ASTN2: variants seen among roughly 807,000 people sequenced by gnomAD.
ASTN2 encodes the protein astrotactin-2.
A neutral mutation model predicts 139.8 loss-of-function variants in ASTN2; 54 were observed. That is an observed-to-expected ratio of 0.39 (90% confidence interval 0.31 to 0.48). The LOEUF is 0.48. ASTN2 is among the 20% of genes least tolerant of loss of function. The pLI, the probability that ASTN2 is intolerant of heterozygous loss-of-function variation, is 0.95. For synonymous variants in ASTN2, 756 were observed against 719.5 expected (o/e 1.05, Z -0.81); for missense variants, 1,565 against 1,725.1 (o/e 0.91, Z 1.64).
At chr9:116,614,059 A>G (rs1855700610) in intron 19 of ASTN2, among the ~76,000 whole-genome samples, 3 of 152,322 alleles carry the variant, frequency 2.0e-5, no homozygotes, top group South Asian at 2.1e-4. Context: ...TGCAAAAATC[A>G]CAAGCATTCC....
intron 1 of ASTN2, among the ~76,000 whole-genome samples, chr9:117,338,787 A>C (rs78174422): frequency 1.3e-5 from 2 of 152,012 alleles, no homozygotes; most frequent in African/African-American, 4.8e-5. Flanking sequence ...TAGCAAAAAA[A>C]TGCAATAACT....
At chr9:116,614,206 C>A (rs1036870436) in intron 19 of ASTN2, among the ~76,000 whole-genome samples, 5 of 152,118 alleles carry the variant, frequency 3.3e-5, no homozygotes, top group Admixed American at 1.3e-4. Flanking sequence ...CAAACCACTG[C>A]TCAACAAAAT....
chr9:116,719,980 C>T (rs1350342708), intron 16 of ASTN2, among the ~76,000 whole-genome samples: 1 of 152,174 alleles, frequency 6.6e-6, no homozygotes, highest in East Asian at 1.9e-4. Flanking sequence ...ACCCTAAGAA[C>T]AACTCCGTTC....
chr9:117,297,416 C>T (rs753400727), intron 1 of ASTN2, among the ~76,000 whole-genome samples: 3 of 152,208 alleles, frequency 2.0e-5, no homozygotes, highest in Non-Finnish European at 2.9e-5. Context: ...ATCGCAAATA[C>T]TCATGCCCTT....
chr9:117,144,063 G>C (rs1830135232), intron 3 of ASTN2, among the ~76,000 whole-genome samples: 2 of 152,092 alleles, frequency 1.3e-5, no homozygotes, highest in Non-Finnish European at 2.9e-5. Flanking sequence ...CATAAGAGTG[G>C]GATCCCAATC....
At chr9:117,028,989 G>A (rs900477290) in intron 6 of ASTN2, among the ~76,000 whole-genome samples, 1 of 152,176 alleles carries the variant, frequency 6.6e-6, no homozygotes, top group African/African-American at 2.4e-5. Flanking sequence ...CAAAGATGGA[G>A]TGAATTCATA....
At chr9:116,551,173 A>C (rs935319774) in intron 19 of ASTN2, 4 of 152,206 alleles carry the variant, frequency 2.6e-5, no homozygotes, top group Admixed American at 6.5e-5. Flanking sequence ...ATTCTGGTTC[A>C]GTCATTTTGG....
chr9:117,154,855 TA>T (rs1830398482), intron 3 of ASTN2, among the ~76,000 whole-genome samples: 1 of 152,074 alleles, frequency 6.6e-6, no homozygotes, highest in Non-Finnish European at 1.5e-5. Context: ...AATAAGGATT[TA>T]AATAAGAAAA....
At chr9:116,828,299 T>G (rs1278007827) in intron 11 of ASTN2, among the ~76,000 whole-genome samples, 1 of 31,268 alleles carries the variant, frequency 3.2e-5, no homozygotes, top group African/African-American at 1.5e-4. Context: ...AGACTCCGTC[T>G]CAAAAAAAAA....
At chr9:116,846,280 A>G (rs76660930) in intron 11 of ASTN2, among the ~76,000 whole-genome samples, 1 of 152,168 alleles carries the variant, frequency 6.6e-6, no homozygotes, top group Admixed American at 6.5e-5. Context: ...GGTGTACAAC[A>G]ATGTGAATTT....
At chr9:116,666,499 C>A (rs901671337) in intron 16 of ASTN2, among the ~76,000 whole-genome samples, 2 of 152,044 alleles carry the variant, frequency 1.3e-5, no homozygotes, top group African/African-American at 4.8e-5. Context: ...TCTAAAAATA[C>A]TTGTGGTTGA....
intron 16 of ASTN2, among the ~76,000 whole-genome samples, chr9:116,716,902 G>C (rs554636891): frequency 1.3e-5 from 2 of 152,180 alleles, no homozygotes; most frequent in Non-Finnish European, 2.9e-5. Flanking sequence ...CTGTGGATAA[G>C]AGAAACAACA....
chr9:116,451,473 T>G (rs1162526058), intron 20 of ASTN2, among the ~76,000 whole-genome samples: 1 of 151,924 alleles, frequency 6.6e-6, no homozygotes, highest in Admixed American at 6.6e-5. Context: ...GAGTGGGGTT[T>G]TTGCTGTCAT....
chr9:116,666,946 ATTCTT>A (rs1858899362), intron 16 of ASTN2, among the ~76,000 whole-genome samples: 1 of 118,610 alleles, frequency 8.4e-6, no homozygotes, highest in Non-Finnish European at 1.7e-5. Context: ...TTATTTATTT[ATTCTT>A]TTTTTTTTTT....
chr9:117,257,114 C>T (rs1033953598), intron 2 of ASTN2, among the ~76,000 whole-genome samples: 9 of 152,310 alleles, frequency 5.9e-5, no homozygotes, highest in African/African-American at 1.7e-4. Context: ...AAGCATCAAA[C>T]GTTTCAGAAA....
intron 2 of ASTN2, among the ~76,000 whole-genome samples, chr9:117,281,870 G>C (rs1834333676): frequency 6.6e-6 from 1 of 152,056 alleles, no homozygotes; most frequent in Admixed American, 6.6e-5. Context: ...CATCTCTGCT[G>C]GATGCTGTCT....
intron 1 of ASTN2, 42 bp from the exon 2 acceptor site, chr9:117,291,555 G>A: frequency 6.5e-7 from 1 of 1,532,554 alleles, no homozygotes; most frequent in Non-Finnish European, 8.8e-7. Context: ...CCGTACGCCT[G>A]GCCTTGGTGC....
At position 116,863,664 on chromosome 9, in the gene ASTN2, A is replaced by T. The variant is rs1832950975; in HGVS notation, c.1959T>A (p.Arg653=). ...NDLLSSFGPV[R]DCSRNNGGCT... ...AGCCCCCATTGTTCCGAGAGCAGTCACGAACTGGCCCGAAGGAAGACAGCA... is the reference window on the plus strand; with the variant it reads ...AGCCCCCATTGTTCCGAGAGCAGTCTCGAACTGGCCCGAAGGAAGACAGCA... The change falls in exon 11 of 23, where the codon CGT becomes CGA. Residue 653 remains arginine (R), a synonymous_variant. Coordinates refer to ENST00000313400, the MANE Select transcript of ASTN2 (RefSeq NM_001365068.1). The T allele has an allele frequency of 1.2e-6, 2 of 1,614,232 alleles. No individual in the cohort carries two copies. Among genetic ancestry groups the T allele is most frequent in the Non-Finnish European group, 1.7e-6 (2 of 1,180,038 alleles).
chr9:116,500,650 G>T (rs931185373), intron 19 of ASTN2, among the ~76,000 whole-genome samples: 6 of 152,190 alleles, frequency 3.9e-5, no homozygotes, highest in Non-Finnish European at 5.9e-5. Context: ...TTGAATTCTG[G>T]CTTTGCTAAA....
Sources: gnomAD v4.1 joint callset for allele counts (sites outside exome capture counted in the v4.1 genomes callset) on GRCh38, gnomAD v4.1.1 for gene constraint, MANE v1.5 for transcripts, NCBI Gene and HGNC (gene_info 2026-07-23, HGNC 2026-07-21) for gene names.